COL16A1: variants seen among roughly 807,000 people sequenced by gnomAD.
The protein encoded by COL16A1 is collagen alpha-1(XVI) chain.
A neutral mutation model predicts 266.3 loss-of-function variants in COL16A1; 189 were observed. That is an observed-to-expected ratio of 0.71 (90% CI 0.63 to 0.80). COL16A1 has a LOEUF of 0.80. COL16A1 is among the 30% of genes least tolerant of loss of function. COL16A1 has a pLI of 0.00. For missense variants in COL16A1, 1,928 were observed against 2,122.4 expected (o/e 0.91, Z 1.80); for synonymous variants, 740 against 782.3 (o/e 0.95, Z 0.90).
At position 31,684,359 on chromosome 1, in the gene COL16A1, C is replaced by G. The variant is rs996109003; in HGVS notation, c.2161-128G>C. The stretch of plus-strand genomic sequence containing the variant: ...CGTCAGCCTGGGAAATCAAAACAGG[C>G]CCCTGACACTCCTAGCAGAGGAGAA... On this transcript the variant is annotated intron_variant, in intron 31 of 70. Transcript: ENST00000373672. The G allele has an allele frequency of 5.0e-5, 73 of 1,452,922 alleles. No individual in the cohort carries two copies. In the African/African-American group the frequency reaches 8.6e-4, roughly 17 times the overall value. The allele number at this position is 1,452,922 out of a possible 1,614,324, so 90.0% of individuals were successfully genotyped here.
intron 44 of COL16A1, among the ~76,000 whole-genome samples, chr1:31,674,511 G>C (rs1371876619): frequency 6.6e-6 from 1 of 152,226 alleles, no homozygotes; most frequent in Non-Finnish European, 1.5e-5. Context: ...CCTCTGACCA[G>C]GTCCGAAGTC....
At position 31,699,816 on chromosome 1, in the gene COL16A1, G is replaced by A. The variant is rs41263975; in HGVS notation, c.263C>T (p.Thr88Met). The A allele has an allele frequency of 4.3e-5, 69 of 1,594,658 alleles. No individual in the cohort carries two copies. In the African/African-American group the frequency reaches 4.7e-4, roughly 11 times the overall value. The change falls in exon 4 of 71, where the codon ACG (threonine) becomes ATG (methionine). Residue 88 changes from threonine (T) to methionine (M), a missense_variant. Around this residue, in one of 2 missense-constraint regions of COL16A1, gnomAD observed 1,552 missense variants for 1,637.2 expected, o/e 0.95. Transcript: ENST00000373672. Reference sequence around the variant, plus strand: ...GTGGTCACATGGATGCATTTACCGCGTGGGCTGGGTCACGGGGGCCGCCCC... The same window carrying A: ...GTGGTCACATGGATGCATTTACCGCATGGGCTGGGTCACGGGGGCCGCCCC... ...RLGAAPVTQP[T>M]RRVFPRGLPE...
In COL16A1 at chr1:31,661,433, G is replaced by C; in HGVS notation, c.3752C>G (p.Pro1251Arg). ...PPGFKGKTGHPGLPGPKGDCG... is the reference protein window; with the variant it reads ...PPGFKGKTGHRGLPGPKGDCG... ...CCTTACCTTAGGTCCTGGGAGGCCA[G>C]GATGTCCTGTTTTCCCCTTAAAGCC... The change falls in exon 60 of 71, where the codon CCT becomes CGT. Residue 1251 changes from proline (P) to arginine (R), a missense_variant. Coordinates refer to ENST00000373672, the MANE Select transcript of COL16A1 (RefSeq NM_001856.4). 1 of 1,614,114 alleles carries C rather than the reference G, an allele frequency of 6.2e-7. No homozygotes were observed. Among genetic ancestry groups the C allele is most frequent in the Non-Finnish European group, 8.5e-7 (1 of 1,180,034 alleles).
chr1:31,668,802 C>T lies in COL16A1; in HGVS notation c.3249G>A (p.Pro1083=), dbSNP rs746551486. ...CCAGCCCCTGCCAGCTTCTTCTTACCGGCTCCCCCTTGTCTCCAGTCAGGC... is the reference window on the plus strand; with the variant it reads ...CCAGCCCCTGCCAGCTTCTTCTTACTGGCTCCCCCTTGTCTCCAGTCAGGC... ...LTGLTGDKGE[P]GPPGQPGYPG... The change falls in exon 50 of 71, where the codon CCG becomes CCA. Residue 1083 remains proline (P), a splice_region_variant and synonymous_variant. Transcript: ENST00000373672. The surrounding 1 kb of genome is among the most constrained non-coding windows in gnomAD (Gnocchi z 5.8). 3.1e-6 allele frequency: 5 copies of T among 1,613,852 alleles called. No homozygotes were observed. The highest frequency in any genetic ancestry group is 1.1e-5 in the South Asian group (1 of 91,062).
At chr1:31,666,789 G>A (rs142151724) in intron 52 of COL16A1, among the ~76,000 whole-genome samples, 63 of 151,980 alleles carry the variant, frequency 4.1e-4, no homozygotes, top group East Asian at 7.7e-4. Flanking sequence ...CTGCCCCTCC[G>A]CTTCGATGGT....
Position 31,692,056 on chromosome 1 carries a change from G to A in COL16A1, c.1206C>T (p.Gly402=), listed in dbSNP as rs201705151. The part of the protein sequence containing the change: ...PGSTGEKGQK[G]EKGDGGIKGV... ...CCTTGATGCCTCCGTCGCCCTTCTC[G>A]CCTTTCTGGCCCTGGGGAAGGAAGA... Residue 402 remains glycine, a synonymous_variant, in exon 17 of 71, where the codon GGC becomes GGT. Coordinates refer to ENST00000373672, the MANE Select transcript of COL16A1 (RefSeq NM_001856.4). The A allele has an allele frequency of 6.1e-4, 985 of 1,613,696 alleles. 1 individual carries two copies. Among genetic ancestry groups the A allele is most frequent in the Non-Finnish European group, 7.8e-4 (917 of 1,179,990 alleles).
chr1:31,679,410 C>T (rs748917397), intron 42 of COL16A1: 3 of 1,548,354 alleles, frequency 1.9e-6, no homozygotes, highest in South Asian at 1.2e-5. Context: ...ACAGCTGACG[C>T]AACAGTGCAT....
chr1:31,684,580 C>A lies in COL16A1; in HGVS notation c.2103G>T (p.Arg701=), dbSNP rs201940977. Reference sequence around the variant, plus strand: ...CTCCAGGCTCTCCTGACAGTCCTGGCCGCCCTGTGGTGCCCGGCGTTCCAG... The same window carrying A: ...CTCCAGGCTCTCCTGACAGTCCTGGACGCCCTGTGGTGCCCGGCGTTCCAG... ...GDPGTPGTTG[R]PGLSGEPGVQ... The change falls in exon 31 of 71, where the codon CGG becomes CGT. Residue 701 remains arginine, a synonymous_variant. Coordinates refer to ENST00000373672, the MANE Select transcript of COL16A1 (RefSeq NM_001856.4). 2.5e-6 allele frequency: 4 copies of A among 1,613,824 alleles called. No individual in the cohort carries two copies. The highest frequency in any genetic ancestry group is 1.3e-5 in the African/African-American group (1 of 74,926).
chr1:31,684,638 G>A lies in COL16A1; in HGVS notation c.2053-8C>T. ...AGGATTCCCAGCATCACCCTGTAAG[G>A]AGTGGGGTTCAAGGAAAGCAAGGAT... On this transcript the variant is annotated splice_region_variant and splice_polypyrimidine_tract_variant and intron_variant, in intron 30 of 70. Coordinates refer to ENST00000373672, the MANE Select transcript of COL16A1 (RefSeq NM_001856.4). 6.2e-7 allele frequency: 1 copy of A among 1,613,268 alleles called. No homozygotes were observed. Among genetic ancestry groups the A allele is most frequent in the Non-Finnish European group, 8.5e-7 (1 of 1,179,466 alleles).
intron 56 of COL16A1, 170 bp from the exon 57 acceptor site, chr1:31,662,828 G>A (rs1005329920): frequency 2.8e-5 from 18 of 650,430 alleles, no homozygotes; most frequent in Middle Eastern, 4.2e-4. Context: ...GCCACACGTC[G>A]CCTCCCCAGG....
chr1:31,690,338 C>T (rs1005025399), intron 22 of COL16A1, 29 bp downstream of exon 22: 6 of 1,613,152 alleles, frequency 3.7e-6, no homozygotes, highest in Admixed American at 3.3e-5. Flanking sequence ...GTTCCCACCC[C>T]GATCTGGGCA....
At position 31,664,616 on chromosome 1, in the gene COL16A1, G is replaced by A. The variant is rs986194253; in HGVS notation, c.3555+556C>T. ...AGCATTTATCAAGCCAAAGTCAAGAGCAGCCAGCATAGGAGCTCCGCCAAC... is the reference window on the plus strand; with the variant it reads ...AGCATTTATCAAGCCAAAGTCAAGAACAGCCAGCATAGGAGCTCCGCCAAC... On this transcript the variant is annotated intron_variant, in intron 56 of 70. Transcript: ENST00000373672. This position sits in a 1 kb window ranked among gnomAD's most constrained non-coding sequence, Gnocchi z 5.5. Among the ~76,000 whole-genome samples the A allele has an allele frequency of 9.2e-5, 14 of 152,158 alleles. No homozygotes were observed. The highest frequency in any genetic ancestry group is 1.8e-4 in the Non-Finnish European group (12 of 68,026).
intron 62 of COL16A1, 132 bp from the exon 63 acceptor site, chr1:31,659,096 T>A: frequency 1.2e-6 from 1 of 842,688 alleles, no homozygotes; most frequent in Non-Finnish European, 1.9e-6. Context: ...TCCTTCGCTC[T>A]GGTCTTGCAC....
chr1:31,665,111 C>G, intron 56 of COL16A1, 61 bp downstream of exon 56: 1 of 1,583,238 alleles, frequency 6.3e-7, no homozygotes. Context: ...AGGGGTGGGA[C>G]AGGGGCATGG....
In COL16A1 at chr1:31,672,765, G is replaced by T; in HGVS notation, c.2935C>A (p.Gln979Lys). Residue 979 changes from glutamine to lysine, a missense_variant, in exon 45 of 71, where the codon CAG becomes AAG. Physicochemically the swap from Gln to Lys is moderately conservative, Grantham distance 53. Around this residue, in one of 2 missense-constraint regions of COL16A1, gnomAD observed 1,552 missense variants for 1,637.2 expected, o/e 0.95. Transcript: ENST00000373672. The stretch of plus-strand genomic sequence containing the variant: ...AGGCCTGGCACACCAGGGATGCCCT[G>T]GTCTCCCTTCTCTCCCTTCTCCACG... ...YLVEKGEKGD[Q>K]GIPGVPGLDN... The T allele has an allele frequency of 6.2e-7, 1 of 1,614,148 alleles. No homozygotes were observed. The highest frequency in any genetic ancestry group is 8.5e-7 in the Non-Finnish European group (1 of 1,179,994).
At chr1:31,660,904 G>A (rs1261566084) in intron 61 of COL16A1, among the ~76,000 whole-genome samples, 162 bp downstream of exon 61, 2 of 152,242 alleles carry the variant, frequency 1.3e-5, no homozygotes, top group Non-Finnish European at 2.9e-5. Context: ...CTTAATAGGA[G>A]GGAGAAAGTT....
At position 31,671,535 on chromosome 1, in the gene COL16A1, A is replaced by G; in HGVS notation, c.3150+80T>C. 1.9e-6 allele frequency: 3 copies of G among 1,567,314 alleles called. No individual in the cohort carries two copies. In the East Asian group the frequency reaches 6.8e-5, roughly 35 times the overall value. ...TCCTGCCTTGCCCAGCCTTTTGGGG[A>G]CAAGGCCGCGGGATGGTGTCTGAGT... On this transcript the variant is annotated intron_variant, in intron 48 of 70. Transcript: ENST00000373672.
chr1:31,686,813 T>G (rs780873746), intron 26 of COL16A1, among the ~76,000 whole-genome samples: 1 of 151,402 alleles, frequency 6.6e-6, no homozygotes, highest in Non-Finnish European at 1.5e-5. Flanking sequence ...TGGGGGAGGG[T>G]AGAGAGGAAA....
Position 31,668,972 on chromosome 1 carries a change from G to A in COL16A1, c.3196-117C>T. ...ACTCCAGGCAAATATGGAGGCCATA[G>A]TGGCTCTCGTAGTGTCCCTAGAAGG... On this transcript the variant is annotated intron_variant, in intron 49 of 70. Coordinates refer to ENST00000373672, the MANE Select transcript of COL16A1 (RefSeq NM_001856.4). The surrounding 1 kb of genome is among the most constrained non-coding windows in gnomAD (Gnocchi z 5.8). 1.2e-6 allele frequency: 1 copy of A among 867,954 alleles called. No individual in the cohort carries two copies. The highest frequency in any genetic ancestry group is 2.6e-5 in the East Asian group (1 of 38,118). The allele number at this position is 867,954 out of a possible 1,614,324, so 53.8% of individuals were successfully genotyped here. A position where few individuals can be genotyped will look rare whatever the true frequency, so the allele number is the denominator to read the frequency against.
Sources: gnomAD v4.1 joint callset for allele counts (sites outside exome capture counted in the v4.1 genomes callset) on GRCh38, gnomAD v4.1.1 for gene constraint, gnomAD v4.1.1 regional missense constraint, Gnocchi (gnomAD v3.1) non-coding constraint, MANE v1.5 for transcripts, NCBI Gene and HGNC (gene_info 2026-07-23, HGNC 2026-07-21) for gene names.